The following DCDC2 variants were observed in gnomAD, a reference collection of about 807,000 sequenced individuals.
DCDC2 encodes doublecortin domain containing 2.
Under a neutral mutation model 50.2 loss-of-function variants are expected in DCDC2, and 40 were observed. The observed-to-expected ratio is 0.80, with a 90% confidence interval of 0.62 to 1.04. The LOEUF is 1.04. Ranked by LOEUF, DCDC2 falls within the 50% of genes least tolerant of loss-of-function variation. The pLI, the probability that DCDC2 is intolerant of heterozygous loss-of-function variation, is 0.00. For synonymous variants in DCDC2, 234 were observed against 210.6 expected, an observed-to-expected ratio of 1.11 and a Z score of -0.96; for missense variants, 570 against 581.9, an observed-to-expected ratio of 0.98 and a Z score of 0.21.
intron 2 of DCDC2, among the ~76,000 whole-genome samples, chr6:24,305,698 T>C (rs546358825): frequency 1.3e-5 from 2 of 152,308 alleles, no homozygotes; most frequent in African/African-American, 4.8e-5. Context: ...AATTTTCTTA[T>C]TAGCCCATAC....
chr6:24,295,238 T>A (rs1581637181), intron 4 of DCDC2, among the ~76,000 whole-genome samples: 2 of 152,298 alleles, frequency 1.3e-5, no homozygotes, highest in African/African-American at 4.8e-5. Context: ...ATTATCTCAA[T>A]AGATGCAGAA....
intron 1 of DCDC2, among the ~76,000 whole-genome samples, chr6:24,355,806 A>G (rs1280129618): frequency 1.3e-5 from 2 of 152,236 alleles, no homozygotes; most frequent in African/African-American, 4.8e-5. Context: ...TAGAATACCT[A>G]GAACTCAATT....
chr6:24,273,551 T>C (rs1456481155), intron 7 of DCDC2, among the ~76,000 whole-genome samples: 1 of 152,254 alleles, frequency 6.6e-6, no homozygotes, highest in Non-Finnish European at 1.5e-5. Flanking sequence ...CACTTGGTGA[T>C]GTCACCTTGG....
intron 2 of DCDC2, among the ~76,000 whole-genome samples, chr6:24,338,587 G>C (rs917726023): frequency 6.6e-6 from 1 of 152,166 alleles, no homozygotes; most frequent in East Asian, 1.9e-4. Flanking sequence ...CCTTGCTGTA[G>C]CAATAAGAGT....
At chr6:24,369,133 C>CAAAAAAAAAA in the DCDC2 span, among the ~76,000 whole-genome samples, 4 of 92,814 alleles carry the variant, frequency 4.3e-5, no homozygotes, top group Non-Finnish European at 6.0e-5. Context: ...GACTCTGTCT[C>CAAAAAAAAAA]AAAAAAAAAA....
intron 4 of DCDC2, among the ~76,000 whole-genome samples, chr6:24,295,364 C>G (rs192766687): frequency 2.0e-5 from 3 of 152,118 alleles, no homozygotes; most frequent in African/African-American, 7.2e-5. Flanking sequence ...TAACATCACA[C>G]GGAATGGGCA....
chr6:24,198,063 G>A (rs1248157754), intron 8 of DCDC2, among the ~76,000 whole-genome samples: 2 of 152,028 alleles, frequency 1.3e-5, no homozygotes, highest in African/African-American at 4.8e-5. Flanking sequence ...TGTTCTACTG[G>A]CCTAAGAAAG....
chr6:24,207,321 G>A (rs950858404), intron 7 of DCDC2, among the ~76,000 whole-genome samples: 4 of 143,404 alleles, frequency 2.8e-5, no homozygotes, highest in Admixed American at 7.0e-5. Flanking sequence ...ACATGCACTC[G>A]TAAAACTGGG....
Position 24,174,572 on chromosome 6 carries a change from G to GT in DCDC2, c.*157dup, listed in dbSNP as rs2113735056. ...AATTATCCTTTAGTAGCCATTTAAA[G>GT]TTATCTGGTCTTTCCACTAGGCTTC... is the stretch of plus-strand genomic sequence containing the variant. On this transcript the variant is annotated 3_prime_UTR_variant, in exon 10 of 10. Coordinates refer to ENST00000378454, the MANE Select transcript of DCDC2 (RefSeq NM_016356.5). The GT allele has an allele frequency of 2.1e-6, 1 of 472,506 alleles. No individual in the cohort carries two copies. The highest frequency in any genetic ancestry group is 3.1e-5 in the East Asian group (1 of 32,500). The allele number at this position is 472,506 out of a possible 1,614,324, so 29.3% of individuals were successfully genotyped here. A position where few individuals can be genotyped will look rare whatever the true frequency, so the allele number is the denominator to read the frequency against.
chr6:24,176,565 A>G (rs9467065), intron 9 of DCDC2, among the ~76,000 whole-genome samples: 133,257 of 152,238 alleles, frequency 0.88, 58,517 homozygotes, highest in East Asian at 0.97. Context: ...ATCCATTGTG[A>G]AATGGCTTGA....
intron 8 of DCDC2, among the ~76,000 whole-genome samples, chr6:24,180,179 A>G (rs965247503): frequency 1.3e-5 from 2 of 152,196 alleles, no homozygotes; most frequent in Non-Finnish European, 2.9e-5. Flanking sequence ...GGCACATCAC[A>G]GATCCTAAAA....
At chr6:24,380,234 T>C in the DCDC2 span, among the ~76,000 whole-genome samples, 3 of 152,292 alleles carry the variant, frequency 2.0e-5, no homozygotes, top group South Asian at 6.2e-4. Context: ...AACATATGAA[T>C]GTTGTGGGGA....
chr6:24,342,695 A>T (rs1419099205), intron 2 of DCDC2, among the ~76,000 whole-genome samples: 2 of 79,914 alleles, frequency 2.5e-5, no homozygotes, highest in South Asian at 3.1e-4. Context: ...TCTCCAATTA[A>T]AAAAAAAAAA....
chr6:24,341,518 TA>T (rs373714754), intron 2 of DCDC2, among the ~76,000 whole-genome samples: 7 of 149,302 alleles, frequency 4.7e-5, no homozygotes, highest in African/African-American at 1.2e-4. Flanking sequence ...TACCTTTTTT[TA>T]AAAAAAAAAA....
chr6:24,179,980 G>C (rs116910104), intron 8 of DCDC2, among the ~76,000 whole-genome samples: 6 of 148,084 alleles, frequency 4.1e-5, no homozygotes, highest in Non-Finnish European at 6.0e-5. Flanking sequence ...AACAAGGGGT[G>C]GGGGAGGGAA....
At chr6:24,360,075 A>G (rs1760639364), upstream of DCDC2, among the ~76,000 whole-genome samples, 1 of 152,174 alleles carries the variant, frequency 6.6e-6, no homozygotes, top group African/African-American at 2.4e-5. Flanking sequence ...CGCGCCGCTC[A>G]CGCTGTTCCT....
upstream of DCDC2, among the ~76,000 whole-genome samples, chr6:24,361,293 G>A (rs973735598): frequency 1.5e-4 from 23 of 152,056 alleles, no homozygotes; most frequent in Non-Finnish European, 2.5e-4. Context: ...GTGGGAGGAG[G>A]GAGAGGAGCA....
chr6:24,339,624 T>C (rs1038776505), intron 2 of DCDC2, among the ~76,000 whole-genome samples: 9 of 152,178 alleles, frequency 5.9e-5, no homozygotes, highest in South Asian at 4.1e-4. Flanking sequence ...TCTTCTCCAA[T>C]TGCTGCCAAC....
chr6:24,321,036 A>G (rs1383572132), intron 2 of DCDC2, among the ~76,000 whole-genome samples: 1 of 152,112 alleles, frequency 6.6e-6, no homozygotes, highest in East Asian at 1.9e-4. Context: ...TGGCCAAATC[A>G]AGAATAATTT....
Sources: allele counts gnomAD v4.1 joint callset (sites outside exome capture counted in the v4.1 genomes callset), GRCh38; gene constraint gnomAD v4.1.1; transcripts MANE v1.5; gene names NCBI Gene and HGNC (gene_info 2026-07-23, HGNC 2026-07-21).